Variants in TTBK2 observed in about 807,000 individuals in gnomAD.
TTBK2 encodes the protein tau-tubulin kinase 2.
A neutral mutation model predicts 110.8 loss-of-function variants in TTBK2; 28 were observed. The observed-to-expected ratio is 0.25, with a 90% CI of 0.19 to 0.35. The LOEUF (loss-of-function observed/expected upper bound fraction) is 0.35. Among genes scored for constraint, TTBK2 ranks in the 10% least tolerant of loss-of-function variants. The pLI is 1.00. For missense variants in TTBK2, 1,369 were observed against 1,500.3 expected, an observed-to-expected ratio of 0.91 and a Z score of 1.45; for synonymous variants, 532 against 527.3, an observed-to-expected ratio of 1.01 and a Z score of -0.12.
intron 3 of TTBK2, among the ~76,000 whole-genome samples, chr15:42,862,879 ACT>A (rs1372986227): frequency 1.3e-5 from 2 of 152,164 alleles, no homozygotes; most frequent in African/African-American, 4.8e-5. Context: ...CAGGAGCAAA[ACT>A]CTGTTGCAAA....
chr15:42,745,608 T>C lies in TTBK2; in HGVS notation c.*187A>G. The C allele has an allele frequency of 1.4e-6, 1 of 719,268 alleles. No individual in the cohort carries two copies. Among genetic ancestry groups the C allele is most frequent in the Non-Finnish European group, 2.4e-6 (1 of 422,112 alleles). The allele number at this position is 719,268 out of a possible 1,614,324, so 44.6% of individuals were successfully genotyped here. On this transcript the variant is annotated 3_prime_UTR_variant, in exon 15 of 15. Transcript: ENST00000267890. ...CTTGTACAAAGACATTGATTCCTAA[T>C]CTACTTGCTGCCTGCCTTAGGTAAT...
At chr15:42,779,074 AC>A (rs1272297443) in intron 11 of TTBK2, among the ~76,000 whole-genome samples, 3 of 152,252 alleles carry the variant, frequency 2.0e-5, no homozygotes, top group Admixed American at 1.3e-4. Context: ...GTTTCTGAAC[AC>A]CAGTGACTGA....
chr15:42,827,999 A>G lies in TTBK2; in HGVS notation c.466T>C (p.Cys156Arg), dbSNP rs2140980283. The G allele has an allele frequency of 6.2e-7, 1 of 1,613,562 alleles. No individual in the cohort carries two copies. The highest frequency in any genetic ancestry group is 8.5e-7 in the Non-Finnish European group (1 of 1,179,730). The change falls in exon 6 of 15, where the codon TGT (cysteine) becomes CGT (arginine). Residue 156 changes from cysteine to arginine, a missense_variant. By Grantham distance (180) the Cys-to-Arg change is radical. Coordinates refer to ENST00000267890, the MANE Select transcript of TTBK2 (RefSeq NM_173500.4). ...AAATCAAGCATGTAACATTTCCTAC[A>G]TGTACTAGGAAAGCGACCCATAGCG... The part of the protein sequence containing the change: ...NFAMGRFPST[C>R]RKCYMLDFGL...
intron 1 of TTBK2, among the ~76,000 whole-genome samples, chr15:42,901,554 G>A (rs912240953): frequency 4.0e-5 from 6 of 151,594 alleles, no homozygotes; most frequent in African/African-American, 1.5e-4. Flanking sequence ...GGCTGAGGTG[G>A]GAGGATCTCT....
intron 3 of TTBK2, among the ~76,000 whole-genome samples, chr15:42,853,800 G>C (rs1257620291): frequency 6.6e-6 from 1 of 152,068 alleles, no homozygotes; most frequent in Non-Finnish European, 1.5e-5. Context: ...AGAATTACTT[G>C]AACCTGGGAG....
chr15:42,855,636 A>C (rs935457756), intron 3 of TTBK2, among the ~76,000 whole-genome samples: 13 of 152,234 alleles, frequency 8.5e-5, no homozygotes, highest in African/African-American at 3.1e-4. Flanking sequence ...TCAAAACGAA[A>C]AACAAATCAC....
At chr15:42,794,494 G>A (rs192706408) in intron 10 of TTBK2, 150 bp downstream of exon 10, 18 of 1,063,506 alleles carry the variant, frequency 1.7e-5, no homozygotes, top group South Asian at 4.0e-5. Context: ...TTCCAAAGGC[G>A]TACATAAGAG....
intron 3 of TTBK2, chr15:42,840,739 C>T (rs1893187408): frequency 2.3e-6 from 1 of 438,740 alleles, no homozygotes; most frequent in Non-Finnish European, 4.2e-6. Flanking sequence ...TCAGATCAAC[C>T]TGCCCAGATA....
chr15:42,791,382 T>A (rs1890675462), intron 10 of TTBK2, among the ~76,000 whole-genome samples: 1 of 152,200 alleles, frequency 6.6e-6, no homozygotes, highest in Non-Finnish European at 1.5e-5. Context: ...ATTATTTTGT[T>A]TTTCTTCTTC....
intron 3 of TTBK2, among the ~76,000 whole-genome samples, chr15:42,864,358 G>A (rs1894277393): frequency 6.6e-6 from 1 of 152,230 alleles, no homozygotes; most frequent in Admixed American, 6.5e-5. Context: ...GCCAAAGCAG[G>A]CAGATCACCT....
intron 3 of TTBK2, among the ~76,000 whole-genome samples, chr15:42,851,842 A>T (rs921832525): frequency 6.6e-6 from 1 of 152,124 alleles, no homozygotes; most frequent in African/African-American, 2.4e-5. Context: ...TTCTCACTTT[A>T]TTCTGTTGTG....
intron 11 of TTBK2, among the ~76,000 whole-genome samples, chr15:42,778,993 A>G (rs543186411): frequency 3.9e-5 from 6 of 152,378 alleles, no homozygotes; most frequent in African/African-American, 1.4e-4. Context: ...ACTAAAAAGT[A>G]GCTGGGAAGG....
At chr15:42,808,857 T>A (rs1346630903) in intron 9 of TTBK2, among the ~76,000 whole-genome samples, 2 of 152,042 alleles carry the variant, frequency 1.3e-5, no homozygotes, top group African/African-American at 2.4e-5. Flanking sequence ...TCTCAAAAAA[T>A]TTTTTTAAAT....
chr15:42,918,483 T>G (rs1480483978), intron 1 of TTBK2, among the ~76,000 whole-genome samples: 1 of 152,196 alleles, frequency 6.6e-6, no homozygotes, highest in African/African-American at 2.4e-5. Flanking sequence ...CATCTGGATA[T>G]GTTACTTTTT....
Position 42,746,079 on chromosome 15 carries a change from G to A in TTBK2, c.3451C>T (p.Pro1151Ser). 1 of 1,614,108 alleles carries A rather than the reference G, an allele frequency of 6.2e-7. No individual in the cohort carries two copies. Among genetic ancestry groups the A allele is most frequent in the Non-Finnish European group, 8.5e-7 (1 of 1,180,016 alleles). The stretch of plus-strand genomic sequence containing the variant: ...GATGAGCTTCGAGGAGAGGCACTGG[G>A]ACTCCTGCGAGGGACAACTGGACTC... ...PKSPVVPRRS[P>S]SASPRSSSLP... is the part of the protein sequence containing the mutation. The change falls in exon 15 of 15, where the codon CCC becomes TCC. Residue 1151 changes from proline (P) to serine (S), a missense_variant. Pro to Ser is a moderately conservative substitution (Grantham distance 74). Transcript: ENST00000267890.
intron 13 of TTBK2, among the ~76,000 whole-genome samples, chr15:42,765,011 C>G (rs1889290764): frequency 6.6e-6 from 1 of 152,228 alleles, no homozygotes; most frequent in Non-Finnish European, 1.5e-5. Flanking sequence ...GGACCTCCAG[C>G]AAACTCCAAC....
intron 7 of TTBK2, among the ~76,000 whole-genome samples, chr15:42,816,085 A>AAAAATAAATAAATAT (rs1892001640): frequency 1.5e-5 from 1 of 67,470 alleles, no homozygotes; most frequent in Non-Finnish European, 2.4e-5. Context: ...TAAATAAATA[A>AAAAATAAATAAATAT]ATATATATAT....
At position 42,870,173 on chromosome 15, in the gene TTBK2, C is replaced by CA. The variant is rs953680603; in HGVS notation, c.217+2437dup. 3.1e-4 allele frequency among the ~76,000 whole-genome samples: 45 copies of CA among 146,410 alleles called. 1 individual carries two copies. The highest frequency in any genetic ancestry group is 8.8e-4 in the South Asian group (4 of 4,560). On this transcript the variant is annotated intron_variant, in intron 3 of 14. Transcript: ENST00000267890. The stretch of plus-strand genomic sequence containing the variant: ...TGGGCAACAGAGCAAGACTCCATCA[C>CA]AAAAAAAAAATAATAATAATAATAA...
chr15:42,813,225 T>C (rs931616967), intron 7 of TTBK2, among the ~76,000 whole-genome samples: 7 of 152,052 alleles, frequency 4.6e-5, no homozygotes, highest in Non-Finnish European at 1.0e-4. Flanking sequence ...AGTATTCAAA[T>C]AAAAAGGACA....
Sources: allele counts gnomAD v4.1 joint callset (sites outside exome capture counted in the v4.1 genomes callset), GRCh38; gene constraint gnomAD v4.1.1; transcripts MANE v1.5; gene names NCBI Gene and HGNC (gene_info 2026-07-23, HGNC 2026-07-21).